The following CALD1 variants were observed in gnomAD, a reference collection of about 807,000 sequenced individuals.
CALD1 encodes caldesmon.
Under a neutral mutation model 99.9 loss-of-function variants are expected in CALD1, and 33 were observed. The observed-to-expected ratio is 0.33, with a 90% CI of 0.25 to 0.44. The LOEUF is 0.44. CALD1 is among the 20% of genes least tolerant of loss of function. The probability of loss-of-function intolerance (pLI) is 1.00; values close to 1 mark genes in which losing one functional copy is unlikely to be tolerated. For synonymous variants in CALD1, 310 were observed against 325.0 expected, an observed-to-expected ratio of 0.95 and a Z score of 0.50; for missense variants, 861 against 962.1, an observed-to-expected ratio of 0.89 and a Z score of 1.39.
intron 3 of CALD1, among the ~76,000 whole-genome samples, chr7:134,892,711 T>G (rs934905956): frequency 1.3e-5 from 2 of 152,210 alleles, no homozygotes; most frequent in Non-Finnish European, 2.9e-5. Context: ...TATAGTCCAG[T>G]GCTTATCAAA....
At chr7:134,785,508 T>G (rs1237098161) in intron 1 of CALD1, among the ~76,000 whole-genome samples, 1 of 152,236 alleles carries the variant, frequency 6.6e-6, no homozygotes, top group Admixed American at 6.5e-5. Flanking sequence ...GCTGGTGTAC[T>G]CTTAATCACT....
rs771919097 is a variant in CALD1, at chr7:134,965,296, T to A, written c.2296-10T>A. The A allele has an allele frequency of 6.1e-5, 91 of 1,498,932 alleles. No individual in the cohort carries two copies. In the Middle Eastern group the frequency reaches 2.7e-3, roughly 45 times the overall value. The allele number at this position is 1,498,932 out of a possible 1,614,324, so 92.9% of individuals were successfully genotyped here. A position where few individuals can be genotyped will look rare whatever the true frequency, so the allele number is the denominator to read the frequency against. ...CACCTATCGATGTTTTTCTGCTTCC[T>A]TTTTATCAGGACTTGAGACCAGGAG... On this transcript the variant is annotated splice_polypyrimidine_tract_variant and intron_variant, in intron 13 of 14. Coordinates refer to ENST00000361675, the MANE Select transcript of CALD1 (RefSeq NM_033138.4).
chr7:134,717,018 A>G, the CALD1 span, among the ~76,000 whole-genome samples: 5 of 152,126 alleles, frequency 3.3e-5, no homozygotes, highest in Admixed American at 1.3e-4. Flanking sequence ...CTATCTATCT[A>G]TCATCTATCT....
rs538610796 is a variant in CALD1, at chr7:134,853,006, G to A, written c.-42+9035G>A. On this transcript the variant is annotated intron_variant, in intron 2 of 14. Transcript: ENST00000361675. ...AATCAGCATATTTCTGCTTGATGGC[G>A]TGTTAGAACCATGCTTTTATTGTCG... is the stretch of plus-strand genomic sequence containing the variant. 9.2e-5 allele frequency among the ~76,000 whole-genome samples: 14 copies of A among 152,272 alleles called. No homozygotes were observed. In the East Asian group the frequency reaches 1.2e-3, roughly 13 times the overall value.
At chr7:134,762,969 T>A (rs1012099553) in intron 1 of CALD1, among the ~76,000 whole-genome samples, 2 of 152,214 alleles carry the variant, frequency 1.3e-5, no homozygotes, top group African/African-American at 4.8e-5. Context: ...TTATACCAGA[T>A]GCTGGGATAC....
At chr7:134,943,946 C>T (rs1045889518) in intron 7 of CALD1, among the ~76,000 whole-genome samples, 1 of 152,104 alleles carries the variant, frequency 6.6e-6, no homozygotes, top group African/African-American at 2.4e-5. Context: ...TTAGCCAGTC[C>T]CTAATGACGG....
intron 3 of CALD1, among the ~76,000 whole-genome samples, chr7:134,919,117 A>T (rs1804431973): frequency 6.6e-6 from 1 of 152,210 alleles, no homozygotes; most frequent in Non-Finnish European, 1.5e-5. Flanking sequence ...AAACCCAAAC[A>T]ATTAGAATCC....
chr7:134,724,794 TC>T, the CALD1 span, among the ~76,000 whole-genome samples: 2 of 152,172 alleles, frequency 1.3e-5, no homozygotes, highest in Non-Finnish European at 2.9e-5. Flanking sequence ...CAGCCAGCAC[TC>T]CTCCAGGGGG....
upstream of CALD1, among the ~76,000 whole-genome samples, chr7:134,739,533 C>T (rs1276584278): frequency 6.6e-6 from 1 of 152,174 alleles, no homozygotes; most frequent in Non-Finnish European, 1.5e-5. Flanking sequence ...CCCAGCCTCC[C>T]GTGCAGGTAG....
intron 1 of CALD1, among the ~76,000 whole-genome samples, chr7:134,834,279 A>G (rs1276812956): frequency 1.3e-5 from 2 of 152,246 alleles, no homozygotes; most frequent in Non-Finnish European, 2.9e-5. Flanking sequence ...GCCAGATTGC[A>G]AGGGCCACAA....
intron 2 of CALD1, among the ~76,000 whole-genome samples, chr7:134,846,784 C>G (rs1375908826): frequency 6.6e-6 from 1 of 152,192 alleles, no homozygotes; most frequent in Non-Finnish European, 1.5e-5. Context: ...GAGATACCAG[C>G]TTTCTTCAAG....
At chr7:134,878,531 T>C (rs184124073) in intron 3 of CALD1, among the ~76,000 whole-genome samples, 1 of 152,266 alleles carries the variant, frequency 6.6e-6, no homozygotes, top group Non-Finnish European at 1.5e-5. Context: ...ATCGCACCAC[T>C]GCATTCCAGC....
At chr7:134,846,771 AT>A (rs1799869707) in intron 2 of CALD1, among the ~76,000 whole-genome samples, 1 of 152,150 alleles carries the variant, frequency 6.6e-6, no homozygotes, top group South Asian at 2.1e-4. Flanking sequence ...TTAAATGTAC[AT>A]TGAGATACCA....
intron 1 of CALD1, among the ~76,000 whole-genome samples, chr7:134,754,829 T>G (rs954292664): frequency 1.3e-5 from 2 of 152,154 alleles, no homozygotes; most frequent in Non-Finnish European, 2.9e-5. Flanking sequence ...ATAGCTTATA[T>G]GTGTGTGTGA....
chr7:134,826,893 A>G (rs1799021828), intron 1 of CALD1, among the ~76,000 whole-genome samples: 1 of 152,198 alleles, frequency 6.6e-6, no homozygotes, highest in Non-Finnish European at 1.5e-5. Flanking sequence ...CTGAGCATGG[A>G]AAAGTTCTTT....
chr7:134,722,988 G>T, the CALD1 span, among the ~76,000 whole-genome samples: 461 of 152,306 alleles, frequency 3.0e-3, 3 homozygotes, highest in Non-Finnish European at 4.7e-3. Context: ...CCTACCAGCT[G>T]CCTGGGGTTG....
At chr7:134,891,745 T>TAAA (rs10607357) in intron 3 of CALD1, 107 of 427,514 alleles carry the variant, frequency 2.5e-4, no homozygotes, top group Middle Eastern at 7.8e-4. Flanking sequence ...CGAATTGTTG[T>TAAA]AAAAAAAAAA....
intron 1 of CALD1, among the ~76,000 whole-genome samples, chr7:134,766,062 C>T (rs1057022810): frequency 1.1e-4 from 17 of 151,730 alleles, no homozygotes; most frequent in African/African-American, 1.7e-4. Context: ...TGAGGCTTCA[C>T]CAGAAGGTGG....
chr7:134,871,894 T>G (rs559947742), intron 3 of CALD1, among the ~76,000 whole-genome samples: 1 of 152,322 alleles, frequency 6.6e-6, no homozygotes, highest in African/African-American at 2.4e-5. Flanking sequence ...ACAGACCTTT[T>G]CAAAGACTAT....
Sources: allele counts gnomAD v4.1 joint callset (sites outside exome capture counted in the v4.1 genomes callset), GRCh38; gene constraint gnomAD v4.1.1; transcripts MANE v1.5; gene names NCBI Gene and HGNC (gene_info 2026-07-23, HGNC 2026-07-21).